KPNA4: variants seen among roughly 807,000 people sequenced by gnomAD.
KPNA4 encodes importin subunit alpha-3.
In KPNA4, 13 loss-of-function variants were observed where a neutral mutation model predicts 71.3. The observed-to-expected ratio is 0.18, with a 90% CI of 0.12 to 0.29. The LOEUF is 0.29. KPNA4 is among the 10% of genes least tolerant of loss of function. The pLI is 1.00. For missense variants in KPNA4, 334 were observed against 603.2 expected, an observed-to-expected ratio of 0.55 and a Z score of 4.67; for synonymous variants, 189 against 195.2, an observed-to-expected ratio of 0.97 and a Z score of 0.26.
At position 160,502,066 on chromosome 3, in the gene KPNA4, C is replaced by A. The variant is rs762108696; in HGVS notation, c.*38G>T. The A allele has an allele frequency of 6.4e-6, 5 of 787,042 alleles. No individual in the cohort carries two copies. The highest frequency in any genetic ancestry group is 1.7e-5 in the African/African-American group (1 of 57,344). The allele number at this position is 787,042 out of a possible 1,614,324, so 48.8% of individuals were successfully genotyped here. Reference sequence around the variant, plus strand: ...CACACACACATATATATATATATATCTCAGTGCTGCATTGTACCTAACTTC... The same window carrying A: ...CACACACACATATATATATATATATATCAGTGCTGCATTGTACCTAACTTC... On this transcript the variant is annotated 3_prime_UTR_variant, in exon 17 of 17. Coordinates refer to ENST00000334256, the MANE Select transcript of KPNA4 (RefSeq NM_002268.5).
chr3:160,565,535 T>G lies in KPNA4; in HGVS notation c.-253A>C, dbSNP rs773454027. ...GCCGGGCGGCGGCAAGGCGACGGAA[T>G]GTGCTGCCGGCTGAGAGGGGGAGGC... On this transcript the variant is annotated 5_prime_UTR_variant, in exon 1 of 17. Coordinates refer to ENST00000334256, the MANE Select transcript of KPNA4 (RefSeq NM_002268.5). The G allele has an allele frequency of 5.7e-6, 3 of 529,200 alleles. No homozygotes were observed. The allele number at this position is 529,200 out of a possible 1,614,324, so 32.8% of individuals were successfully genotyped here. A position where few individuals can be genotyped will look rare whatever the true frequency, so the allele number is the denominator to read the frequency against.
intron 11 of KPNA4, among the ~76,000 whole-genome samples, chr3:160,516,393 T>C (rs1352638124): frequency 6.6e-6 from 1 of 151,352 alleles, no homozygotes; most frequent in Non-Finnish European, 1.5e-5. Flanking sequence ...GCTTATATTA[T>C]TGTAAGAGAG....
At chr3:160,537,699 T>C (rs1721717353) in intron 1 of KPNA4, among the ~76,000 whole-genome samples, 1 of 150,552 alleles carries the variant, frequency 6.6e-6, no homozygotes, top group African/African-American at 2.5e-5. Context: ...TTTAATACAC[T>C]CCACCTGCCA....
chr3:160,510,661 G>A (rs1191219751), intron 13 of KPNA4, among the ~76,000 whole-genome samples: 1 of 152,008 alleles, frequency 6.6e-6, no homozygotes, highest in African/African-American at 2.4e-5. Context: ...TGTGTGTGAG[G>A]CTGGTAGTAT....
At chr3:160,517,986 T>C (rs548285058) in intron 11 of KPNA4, among the ~76,000 whole-genome samples, 6 of 152,340 alleles carry the variant, frequency 3.9e-5, no homozygotes, top group African/African-American at 1.4e-4. Flanking sequence ...GCCTGACTTA[T>C]CAATTCTTTT....
chr3:160,528,974 C>A (rs1233780701), intron 7 of KPNA4, among the ~76,000 whole-genome samples: 3 of 152,198 alleles, frequency 2.0e-5, no homozygotes, highest in Non-Finnish European at 2.9e-5. Flanking sequence ...GCTGCCCAGA[C>A]TGGAGTTCAG....
intron 15 of KPNA4, among the ~76,000 whole-genome samples, chr3:160,506,038 TTCCC>T (rs1318077539): frequency 6.6e-6 from 1 of 152,162 alleles, no homozygotes; most frequent in Non-Finnish European, 1.5e-5. Flanking sequence ...AAGTTCCCCT[TTCCC>T]TCAATATCCC....
intron 5 of KPNA4, among the ~76,000 whole-genome samples, chr3:160,533,633 T>C (rs1402644463): frequency 6.6e-6 from 1 of 152,076 alleles, no homozygotes; most frequent in African/African-American, 2.4e-5. Context: ...CAAAATATAA[T>C]ATAAAACCAG....
At chr3:160,525,405 C>T (rs531069110) in intron 10 of KPNA4, among the ~76,000 whole-genome samples, 7 of 152,182 alleles carry the variant, frequency 4.6e-5, no homozygotes, top group Admixed American at 4.6e-4. Context: ...CTTTCATTGG[C>T]CAAACTGTCA....
intron 12 of KPNA4, chr3:160,514,863 T>C (rs1178478866): frequency 2.2e-6 from 1 of 449,152 alleles, no homozygotes; most frequent in Admixed American, 2.5e-5. Flanking sequence ...TAATAAGTTT[T>C]ACTCTAAAAA....
At chr3:160,547,286 C>G (rs1038491206) in intron 1 of KPNA4, among the ~76,000 whole-genome samples, 3 of 152,188 alleles carry the variant, frequency 2.0e-5, no homozygotes, top group Non-Finnish European at 4.4e-5. Context: ...TTATTTTTCT[C>G]TGCCAAATGC....
At chr3:160,512,768 A>G (rs375376281) in intron 13 of KPNA4, among the ~76,000 whole-genome samples, 1 of 152,092 alleles carries the variant, frequency 6.6e-6, no homozygotes, top group Admixed American at 6.6e-5. Context: ...GGAGGTAGAG[A>G]TTGCAGTGAG....
intron 8 of KPNA4, among the ~76,000 whole-genome samples, chr3:160,526,691 A>G (rs1209661879): frequency 6.6e-6 from 1 of 152,246 alleles, no homozygotes; most frequent in East Asian, 1.9e-4. Flanking sequence ...AGAACTGCCA[A>G]GTTTAATTTC....
In KPNA4 at chr3:160,496,323, A is replaced by T. The variant is rs1048187864; in HGVS notation, c.*5781T>A. The T allele has an allele frequency of 6.6e-6, 1 of 152,354 alleles. No individual in the cohort carries two copies. The highest frequency in any genetic ancestry group is 2.1e-4 in the South Asian group (1 of 4,836). 9.4% of individuals were successfully genotyped at this position (152,354 alleles called of 1,614,324 possible). On this transcript the variant is annotated 3_prime_UTR_variant, in exon 17 of 17. Transcript: ENST00000334256. ...AAAGGATGGGGGAAAGGTGGCTCAC[A>T]GGGCTTAAACATCAGAGGAATGGAG...
intron 10 of KPNA4, among the ~76,000 whole-genome samples, chr3:160,524,256 T>C (rs1406271778): frequency 6.6e-6 from 1 of 152,254 alleles, no homozygotes; most frequent in Non-Finnish European, 1.5e-5. Flanking sequence ...AATCTATCTC[T>C]AAATAAAGTC....
intron 1 of KPNA4, among the ~76,000 whole-genome samples, chr3:160,556,674 AG>A (rs1722144245): frequency 6.6e-6 from 1 of 152,210 alleles, no homozygotes. Context: ...AGCATCACGT[AG>A]GTGCTTAAAG....
At chr3:160,552,424 TAA>T (rs555058528) in intron 1 of KPNA4, among the ~76,000 whole-genome samples, 1 of 150,480 alleles carries the variant, frequency 6.6e-6, no homozygotes, top group Admixed American at 6.6e-5. Context: ...CCTGTTTTCT[TAA>T]AAAAAAAATT....
At chr3:160,510,982 G>C (rs950372517) in intron 13 of KPNA4, among the ~76,000 whole-genome samples, 1 of 151,540 alleles carries the variant, frequency 6.6e-6, no homozygotes, top group Non-Finnish European at 1.5e-5. Context: ...GTAGAGACAC[G>C]GTTTCCCCAT....
At chr3:160,544,028 T>C (rs1334558869) in intron 1 of KPNA4, among the ~76,000 whole-genome samples, 1 of 152,002 alleles carries the variant, frequency 6.6e-6, no homozygotes, top group African/African-American at 2.4e-5. Context: ...CAGTGTGGCG[T>C]GGTATTTTTA....
Sources: allele counts gnomAD v4.1 joint callset (sites outside exome capture counted in the v4.1 genomes callset), GRCh38; gene constraint gnomAD v4.1.1; transcripts MANE v1.5; gene names NCBI Gene and HGNC (gene_info 2026-07-23, HGNC 2026-07-21).